Variants in CACNB2 observed in about 807,000 individuals in gnomAD.
CACNB2 encodes voltage-dependent L-type calcium channel subunit beta-2.
In CACNB2, 42 loss-of-function variants were observed where a neutral mutation model predicts 73.3. The observed-to-expected ratio is 0.57, with a 90% confidence interval of 0.45 to 0.74. The LOEUF (loss-of-function observed/expected upper bound fraction) is 0.74. CACNB2 is among the 30% of genes least tolerant of loss of function. The pLI is 0.00. For synonymous variants in CACNB2, 348 were observed against 310.3 expected, an observed-to-expected ratio of 1.12 and a Z score of -1.28; for missense variants, 940 against 853.0, an observed-to-expected ratio of 1.10 and a Z score of -1.27.
At chr10:18,502,398 C>G (rs10764542) in intron 5 of CACNB2, among the ~76,000 whole-genome samples, 90,152 of 151,160 alleles carry the variant, frequency 0.6, 27,353 homozygotes, top group East Asian at 0.97. Flanking sequence ...GAATAGAAAA[C>G]CAAATACGGG....
At chr10:18,235,008 T>C (rs2036378977) in intron 2 of CACNB2, among the ~76,000 whole-genome samples, 2 of 151,894 alleles carry the variant, frequency 1.3e-5, no homozygotes, top group African/African-American at 4.8e-5. Flanking sequence ...CCAGGTGTGG[T>C]GGCGGGCGCC....
chr10:18,171,688 A>G (rs2033258634), intron 2 of CACNB2, among the ~76,000 whole-genome samples: 1 of 151,808 alleles, frequency 6.6e-6, no homozygotes, highest in Non-Finnish European at 1.5e-5. Flanking sequence ...ACAAGGATGA[A>G]GCACTCTGAT....
At position 18,305,190 on chromosome 10, in the gene CACNB2, C is replaced by T. The variant is rs908887502; in HGVS notation, c.214-96734C>T. On this transcript the variant is annotated intron_variant, in intron 2 of 13. Coordinates refer to ENST00000324631, the MANE Select transcript of CACNB2 (RefSeq NM_201596.3). ...CCTTTGGGTTACAGGAAATAAATGT[C>T]GTCTACTTCATGGACAGTAAATGCT... Among the ~76,000 whole-genome samples the T allele has an allele frequency of 5.9e-5, 9 of 152,142 alleles. No homozygotes were observed. In the South Asian group the frequency reaches 6.2e-4, roughly 11 times the overall value.
chr10:18,521,307 GT>G (rs1421546734), intron 9 of CACNB2, among the ~76,000 whole-genome samples: 1 of 152,216 alleles, frequency 6.6e-6, no homozygotes, highest in East Asian at 1.9e-4. Context: ...GGTGCCTAAC[GT>G]TTGACCAAAT....
At chr10:18,153,809 T>C (rs1326637350) in intron 2 of CACNB2, among the ~76,000 whole-genome samples, 6 of 149,114 alleles carry the variant, frequency 4.0e-5, no homozygotes, top group African/African-American at 9.9e-5. Flanking sequence ...CTCGAACTCC[T>C]GACCTCAGGT....
At position 18,515,022 on chromosome 10, in the gene CACNB2, G is replaced by A. The variant is rs142899184; in HGVS notation, c.804+653G>A. 5.2e-4 allele frequency: 847 copies of A among 1,613,692 alleles called. 7 individuals are homozygous for A. In the African/African-American group the frequency reaches 9.7e-3, roughly 18 times the overall value. ...GAACAAGACCAGTGGAAAACTGCAGGCTTGTTTTGGCGGTTTACTGTGAGT... is the reference window on the plus strand; with the variant it reads ...GAACAAGACCAGTGGAAAACTGCAGACTTGTTTTGGCGGTTTACTGTGAGT... On this transcript the variant is annotated intron_variant, in intron 7 of 13. Coordinates refer to ENST00000324631, the MANE Select transcript of CACNB2 (RefSeq NM_201596.3).
chr10:18,506,879 G>A (rs1589585115), intron 6 of CACNB2, among the ~76,000 whole-genome samples: 3 of 152,050 alleles, frequency 2.0e-5, no homozygotes, highest in African/African-American at 4.8e-5. Context: ...AGCTCACTGC[G>A]CCTCTGCCTC....
At chr10:18,454,258 C>T (rs939839146) in intron 3 of CACNB2, among the ~76,000 whole-genome samples, 4 of 152,214 alleles carry the variant, frequency 2.6e-5, no homozygotes, top group African/African-American at 9.6e-5. Flanking sequence ...ATGATATCTA[C>T]AGATTTCAAG....
intron 1 of CACNB2, among the ~76,000 whole-genome samples, chr10:18,148,442 A>C (rs1008900395): frequency 6.6e-5 from 10 of 152,218 alleles, no homozygotes. Context: ...AATAACATTT[A>C]TGAACAGGAT....
chr10:18,184,215 C>T (rs1006157555), intron 2 of CACNB2, among the ~76,000 whole-genome samples: 1 of 152,164 alleles, frequency 6.6e-6, no homozygotes, highest in African/African-American at 2.4e-5. Flanking sequence ...GGGATTAAAA[C>T]CTGCAAGAGA....
At chr10:18,260,793 C>G in intron 2 of CACNB2, 1 of 1,015,714 alleles carries the variant, frequency 9.8e-7, no homozygotes, top group Non-Finnish European at 1.2e-6. Flanking sequence ...GAAGCAGTCA[C>G]ATAAACAGCA....
intron 3 of CACNB2, among the ~76,000 whole-genome samples, chr10:18,482,660 G>A (rs1452756082): frequency 6.6e-6 from 1 of 152,018 alleles, no homozygotes; most frequent in Non-Finnish European, 1.5e-5. Flanking sequence ...ACTGGTGCCC[G>A]CCACCATGCC....
rs527611904 is a variant in CACNB2 at position 18,361,720 on chromosome 10, C to G, written c.214-40204C>G. On this transcript the variant is annotated intron_variant, in intron 2 of 13. Transcript: ENST00000324631. ...CTTCCACCTTCCGGGTCAAGTGATT[C>G]TCCCATCTCAGCCTCCTGAATAGCG... 2.0e-5 allele frequency among the ~76,000 whole-genome samples: 3 copies of G among 149,852 alleles called. No individual in the cohort carries two copies. In the South Asian group the frequency reaches 6.3e-4, roughly 32 times the overall value.
At chr10:18,266,838 C>T (rs1018028772) in intron 2 of CACNB2, among the ~76,000 whole-genome samples, 82 of 152,014 alleles carry the variant, frequency 5.4e-4, no homozygotes, top group Admixed American at 5.3e-3. Flanking sequence ...TGCAGTGAGC[C>T]GAGATCGTGC....
intron 4 of CACNB2, among the ~76,000 whole-genome samples, chr10:18,499,459 A>G (rs955507205): frequency 1.3e-5 from 2 of 151,988 alleles, no homozygotes; most frequent in African/African-American, 4.8e-5. Context: ...CACTAAAAAT[A>G]CAAAAATTAT....
chr10:18,310,480 C>T (rs1045090682), intron 2 of CACNB2, among the ~76,000 whole-genome samples: 7 of 150,534 alleles, frequency 4.7e-5, no homozygotes, highest in Admixed American at 3.3e-4. Flanking sequence ...TGGTGGATGC[C>T]TGTAATCCCA....
At chr10:18,495,582 T>TGTGTGTGTGTGTGTGTGTGTGTGTG (rs879828645) in intron 3 of CACNB2, among the ~76,000 whole-genome samples, 28 of 135,488 alleles carry the variant, frequency 2.1e-4, no homozygotes, top group African/African-American at 7.5e-4. Context: ...TGTGTGTGTG[T>TGTGTGTGTGTGTGTGTGTGTGTGTG]GTGTGTGTGT....
At chr10:18,510,461 C>G (rs147177837) in intron 6 of CACNB2, among the ~76,000 whole-genome samples, 44 of 152,256 alleles carry the variant, frequency 2.9e-4, no homozygotes, top group African/African-American at 9.1e-4. Flanking sequence ...GGCCACCACA[C>G]CTGGCTAATC....
intron 3 of CACNB2, among the ~76,000 whole-genome samples, chr10:18,457,365 C>T (rs2047337395): frequency 6.6e-6 from 1 of 152,218 alleles, no homozygotes; most frequent in East Asian, 1.9e-4. Context: ...GCTGGAATTA[C>T]AGGCATGAGC....
Sources: gnomAD v4.1 joint callset for allele counts (sites outside exome capture counted in the v4.1 genomes callset) on GRCh38, gnomAD v4.1.1 for gene constraint, MANE v1.5 for transcripts, NCBI Gene and HGNC (gene_info 2026-07-23, HGNC 2026-07-21) for gene names.